The following CADM2 variants were observed in gnomAD, a reference collection of about 807,000 sequenced individuals.
The protein encoded by CADM2 is cell adhesion molecule 2.
A neutral mutation model predicts 49.8 loss-of-function variants in CADM2; 12 were observed. That is an observed-to-expected ratio of 0.24 (90% CI 0.15 to 0.39). CADM2 has a LOEUF of 0.39. Ranked by LOEUF, CADM2 falls within the 10% of genes least tolerant of loss-of-function variation. CADM2 has a pLI of 1.00. For missense variants in CADM2, 378 were observed against 492.3 expected (o/e 0.77, Z 2.20); for synonymous variants, 214 against 175.4 (o/e 1.22, Z -1.74).
intron 1 of CADM2, among the ~76,000 whole-genome samples, chr3:85,705,285 C>T (rs1448601): frequency 0.15 from 23,065 of 150,308 alleles, 1,934 homozygotes; most frequent in African/African-American, 0.2. Flanking sequence ...ACTTGGGACT[C>T]TCTCCCAAGT....
At position 86,049,589 on chromosome 3, in the gene CADM2, G is replaced by T. The variant is rs564218274; in HGVS notation, c.971-16016G>T. ...ACTGGGTAATTTATAACGAAAAGAG[G>T]TTTAGTTGGCTCACAGTTCCATGGG... On this transcript the variant is annotated intron_variant, in intron 8 of 9. Transcript: ENST00000383699. Among the ~76,000 whole-genome samples, 147 of 152,166 alleles carry T rather than the reference G, an allele frequency of 9.7e-4. 1 individual carries two copies. The highest frequency in any genetic ancestry group is 6.8e-3 in the Middle Eastern group (2 of 294).
At chr3:85,774,822 T>C (rs1219744213) in intron 2 of CADM2, among the ~76,000 whole-genome samples, 2 of 151,646 alleles carry the variant, frequency 1.3e-5, no homozygotes, top group African/African-American at 4.8e-5. Flanking sequence ...ATGAAAACAC[T>C]CGGAAAGTAG....
intron 1 of CADM2, among the ~76,000 whole-genome samples, chr3:85,712,030 T>A (rs1008331602): frequency 6.6e-6 from 1 of 152,174 alleles, no homozygotes; most frequent in Non-Finnish European, 1.5e-5. Context: ...GAATCCAGAA[T>A]GTATTTCTGT....
At chr3:85,890,407 T>G (rs1714266913) in intron 5 of CADM2, among the ~76,000 whole-genome samples, 1 of 152,174 alleles carries the variant, frequency 6.6e-6, no homozygotes, top group Admixed American at 6.6e-5. Context: ...AATTATGCAC[T>G]GGTCTCAGAT....
chr3:85,410,064 G>C (rs554621635), intron 1 of CADM2, among the ~76,000 whole-genome samples: 1 of 152,188 alleles, frequency 6.6e-6, no homozygotes, highest in African/African-American at 2.4e-5. Context: ...TTAATCATTA[G>C]TTCTTGATAC....
intron 5 of CADM2, among the ~76,000 whole-genome samples, chr3:85,904,197 T>C (rs568111596): frequency 6.6e-6 from 1 of 152,288 alleles, no homozygotes; most frequent in African/African-American, 2.4e-5. Flanking sequence ...TCCGGTCTTC[T>C]TGCTTTGTCT....
chr3:85,824,090 CA>C (rs1387681098), intron 3 of CADM2, among the ~76,000 whole-genome samples: 3 of 152,082 alleles, frequency 2.0e-5, no homozygotes, highest in African/African-American at 7.2e-5. Flanking sequence ...GTTTTTCACC[CA>C]ATCAAAACGT....
chr3:85,133,874 T>C (rs2039322129), intron 1 of CADM2, among the ~76,000 whole-genome samples: 1 of 152,188 alleles, frequency 6.6e-6, no homozygotes. Flanking sequence ...TCCTCAGCCC[T>C]TGGGTGGTCG....
chr3:85,635,317 A>G (rs1001367483), intron 1 of CADM2, among the ~76,000 whole-genome samples: 5 of 152,112 alleles, frequency 3.3e-5, no homozygotes, highest in African/African-American at 1.2e-4. Flanking sequence ...ACATTCTACT[A>G]TGTCACACTG....
At chr3:85,979,949 GGT>G (rs1474016867) in intron 8 of CADM2, among the ~76,000 whole-genome samples, 6 of 151,510 alleles carry the variant, frequency 4.0e-5, no homozygotes, top group African/African-American at 1.2e-4. Context: ...ACCTTAAAAA[GGT>G]GGGAATATCC....
chr3:85,661,903 T>G (rs2065419795), intron 1 of CADM2, among the ~76,000 whole-genome samples: 1 of 152,080 alleles, frequency 6.6e-6, no homozygotes, highest in Admixed American at 6.6e-5. Flanking sequence ...ATACATGAAA[T>G]ATTCTATTCT....
intron 8 of CADM2, chr3:85,992,992 T>G (rs2108710450): frequency 6.6e-6 from 1 of 152,318 alleles, no homozygotes; most frequent in Non-Finnish European, 1.5e-5. Flanking sequence ...ACCCTTCCAT[T>G]GCTTTATCAA....
intron 5 of CADM2, among the ~76,000 whole-genome samples, chr3:85,893,733 GAC>G (rs1714803577): frequency 6.6e-6 from 1 of 152,108 alleles, no homozygotes; most frequent in Admixed American, 6.6e-5. Context: ...GCAGCAAGAA[GAC>G]ACATGAAAAA....
intron 1 of CADM2, 56 bp downstream of exon 1, chr3:84,959,724 C>G (rs1407692900): frequency 1.7e-5 from 24 of 1,440,054 alleles, no homozygotes; most frequent in Non-Finnish European, 2.3e-5. Flanking sequence ...CCCATCTTCC[C>G]CATTCCACCC....
chr3:85,522,667 C>T (rs1179665305), intron 1 of CADM2, among the ~76,000 whole-genome samples: 1 of 151,732 alleles, frequency 6.6e-6, no homozygotes, highest in African/African-American at 2.4e-5. Flanking sequence ...TCTGTTCCAC[C>T]AAGAAATCAA....
chr3:86,037,911 C>T (rs62263323), intron 8 of CADM2, among the ~76,000 whole-genome samples: 49 of 152,040 alleles, frequency 3.2e-4, no homozygotes, highest in Non-Finnish European at 5.4e-4. Context: ...TGTGCCATGG[C>T]GGTTTGCTGC....
chr3:85,168,127 C>G (rs2040521788), intron 1 of CADM2, among the ~76,000 whole-genome samples: 1 of 152,114 alleles, frequency 6.6e-6, no homozygotes, highest in African/African-American at 2.4e-5. Context: ...TCGATCTGGG[C>G]TCTTTGCAAC....
intron 7 of CADM2, among the ~76,000 whole-genome samples, chr3:85,947,952 T>C (rs1559760315): frequency 6.6e-6 from 1 of 151,556 alleles, no homozygotes; most frequent in South Asian, 2.1e-4. Flanking sequence ...TTTGAGGGAT[T>C]ATGTAAATAT....
intron 1 of CADM2, among the ~76,000 whole-genome samples, chr3:85,651,484 C>CA (rs1165677382): frequency 6.6e-6 from 1 of 151,504 alleles, no homozygotes; most frequent in Non-Finnish European, 1.5e-5. Context: ...AGGAATTTTA[C>CA]AAAAAAGAAG....
Sources: gnomAD v4.1 joint callset for allele counts (sites outside exome capture counted in the v4.1 genomes callset) on GRCh38, gnomAD v4.1.1 for gene constraint, MANE v1.5 for transcripts, NCBI Gene and HGNC (gene_info 2026-07-23, HGNC 2026-07-21) for gene names.